The following GUCY2C variants were observed in gnomAD, a reference collection of about 807,000 sequenced individuals.
GUCY2C encodes the protein guanylate cyclase 2C, also known as guanylyl cyclase C.
A neutral mutation model predicts 131.1 loss-of-function variants in GUCY2C; 118 were observed. That is an observed-to-expected ratio of 0.90 (90% CI 0.78 to 1.05). GUCY2C has a LOEUF of 1.05. Ranked by LOEUF, GUCY2C falls within the 50% of genes least tolerant of loss-of-function variation. The pLI, the probability that GUCY2C is intolerant of heterozygous loss-of-function variation, is 0.00. For missense variants in GUCY2C, 1,161 were observed against 1,304.4 expected (o/e 0.89, Z 1.69); for synonymous variants, 452 against 457.8 (o/e 0.99, Z 0.16).
At position 14,614,947 on chromosome 12, in the gene GUCY2C, G is replaced by T; in HGVS notation, c.2971-4C>A. 1 of 1,559,392 alleles carries T rather than the reference G, an allele frequency of 6.4e-7. No individual in the cohort carries two copies. Among genetic ancestry groups the T allele is most frequent in the South Asian group, 1.2e-5 (1 of 84,208 alleles). Reference sequence around the variant, plus strand: ...AGGTAGTCTCATTTCCTCTTCCCTGGTAAGACAAAAGAGTTACGTACCACG... The same window carrying T: ...AGGTAGTCTCATTTCCTCTTCCCTGTTAAGACAAAAGAGTTACGTACCACG... On this transcript the variant is annotated splice_region_variant and splice_polypyrimidine_tract_variant and intron_variant, in intron 25 of 26. Transcript: ENST00000261170.
At position 14,641,081 on chromosome 12, in the gene GUCY2C, C is replaced by A; in HGVS notation, c.2068+1G>T. Reference sequence around the variant, plus strand: ...GGACACATGAATGGGTTTAGATGTACCATTCCGGTCCCGACAGCTCAAAGT... The same window carrying A: ...GGACACATGAATGGGTTTAGATGTAACATTCCGGTCCCGACAGCTCAAAGT... On this transcript the variant is annotated splice_donor_variant, in intron 18 of 26. Coordinates refer to ENST00000261170, the MANE Select transcript of GUCY2C (RefSeq NM_004963.4). LOFTEE classifies it high-confidence loss of function. 6.2e-7 allele frequency: 1 copy of A among 1,613,154 alleles called. No individual in the cohort carries two copies. The highest frequency in any genetic ancestry group is 8.5e-7 in the Non-Finnish European group (1 of 1,179,784).
intron 11 of GUCY2C, among the ~76,000 whole-genome samples, chr12:14,659,635 T>C (rs1947828082): frequency 6.6e-6 from 1 of 152,328 alleles, no homozygotes; most frequent in Middle Eastern, 3.4e-3. Context: ...TGGAGGCAAG[T>C]AGGATGAATA....
chr12:14,651,935 G>A, intron 14 of GUCY2C, 24 bp downstream of exon 14: 1 of 1,301,018 alleles, frequency 7.7e-7, no homozygotes, highest in Non-Finnish European at 1.1e-6. Context: ...TATTTCTCAA[G>A]GGTTTGAAGT....
In GUCY2C at chr12:14,637,259, A is replaced by G. The variant is rs574191300; in HGVS notation, c.2157+2603T>C. Among the ~76,000 whole-genome samples the G allele has an allele frequency of 2.0e-5, 3 of 151,524 alleles. No individual in the cohort carries two copies. In the South Asian group the frequency reaches 6.2e-4, roughly 32 times the overall value. ...AAGAAGGTAAAAGACCTCTATAAGG[A>G]AAACTACAAACACTGATGAAAATGA... On this transcript the variant is annotated intron_variant, in intron 19 of 26. Transcript: ENST00000261170.
Position 14,681,387 on chromosome 12 carries a change from A to G in GUCY2C, c.702T>C (p.Asp234=), listed in dbSNP as rs1335798577. 1.2e-6 allele frequency: 2 copies of G among 1,612,660 alleles called. No individual in the cohort carries two copies. The highest frequency in any genetic ancestry group is 1.7e-6 in the Non-Finnish European group (2 of 1,178,780). The change falls in exon 5 of 27, where the codon GAT becomes GAC. Residue 234 remains aspartate (D), a synonymous_variant. Coordinates refer to ENST00000261170, the MANE Select transcript of GUCY2C (RefSeq NM_004963.4). ...TTTTCCTGTTGTGGTCCATTAAGAT[A>G]TCCTGAAACTCCTTATCTTGTCTTA... ...VVLRQDKEFQ[D]ILMDHNRKSN... is the part of the protein sequence containing the mutation.
intron 26 of GUCY2C, among the ~76,000 whole-genome samples, chr12:14,614,101 C>T (rs1946706753): frequency 6.6e-6 from 1 of 152,116 alleles, no homozygotes; most frequent in African/African-American, 2.4e-5. Flanking sequence ...AGCCTCTTTG[C>T]CCCCAGTATG....
chr12:14,693,782 ATGACT>A (rs1278858692), intron 1 of GUCY2C, among the ~76,000 whole-genome samples: 1 of 152,254 alleles, frequency 6.6e-6, no homozygotes, highest in Non-Finnish European at 1.5e-5. Context: ...TATTTTACAA[ATGACT>A]TGAGTGAAAC....
intron 10 of GUCY2C, among the ~76,000 whole-genome samples, chr12:14,669,436 A>G (rs1390158937): frequency 6.6e-6 from 1 of 151,700 alleles, no homozygotes; most frequent in African/African-American, 2.4e-5. Context: ...GGCTGGTCTG[A>G]AACTTTTAGG....
At chr12:14,615,962 A>G (rs2136969346) in intron 25 of GUCY2C, among the ~76,000 whole-genome samples, 1 of 152,312 alleles carries the variant, frequency 6.6e-6, no homozygotes, top group Non-Finnish European at 1.5e-5. Context: ...AAGCATTTGG[A>G]GACAACTGAT....
chr12:14,680,554 A>G (rs1948328624), intron 5 of GUCY2C, among the ~76,000 whole-genome samples: 1 of 152,210 alleles, frequency 6.6e-6, no homozygotes, highest in Non-Finnish European at 1.5e-5. Context: ...CCAAGCAAGT[A>G]TCTTTCCTTG....
At chr12:14,647,797 C>T (rs958346112) in intron 15 of GUCY2C, among the ~76,000 whole-genome samples, 8 of 151,646 alleles carry the variant, frequency 5.3e-5, no homozygotes, top group East Asian at 1.9e-4. Flanking sequence ...ATTTTCTGAC[C>T]AATTTGGCTA....
rs185806098 is a variant in GUCY2C, at chr12:14,661,430, A to G, written c.1283-368T>C. Among the ~76,000 whole-genome samples the G allele has an allele frequency of 6.0e-4, 91 of 152,134 alleles. 2 individuals carry two copies. Among genetic ancestry groups the G allele is most frequent in the African/African-American group, 2.2e-3 (90 of 41,516 alleles). Reference sequence around the variant, plus strand: ...TATACCTAAGAAGGGTTCATAGAGGATGAGACATGTATTTTTTTTTCTTTT... The same window carrying G: ...TATACCTAAGAAGGGTTCATAGAGGGTGAGACATGTATTTTTTTTTCTTTT... On this transcript the variant is annotated intron_variant, in intron 10 of 26. Transcript: ENST00000261170.
chr12:14,644,232 C>G (rs968957250), intron 16 of GUCY2C, among the ~76,000 whole-genome samples: 16 of 152,078 alleles, frequency 1.1e-4, no homozygotes, highest in African/African-American at 3.9e-4. Context: ...GCCTGTAATC[C>G]CAGCACTTTG....
At chr12:14,687,636 A>C (rs1426646806) in intron 2 of GUCY2C, among the ~76,000 whole-genome samples, 2 of 152,132 alleles carry the variant, frequency 1.3e-5, no homozygotes, top group African/African-American at 4.8e-5. Context: ...CAAACAAACA[A>C]ACACCCAAGA....
At chr12:14,660,900 A>C in intron 11 of GUCY2C, 81 bp downstream of exon 11, 1 of 864,076 alleles carries the variant, frequency 1.2e-6, no homozygotes. Context: ...ATTCATCATC[A>C]TCAACAGACA....
chr12:14,677,045 T>G (rs746272860), intron 6 of GUCY2C, 74 bp from the exon 7 acceptor site: 1 of 477,976 alleles, frequency 2.1e-6, no homozygotes, highest in Non-Finnish European at 3.9e-6. Flanking sequence ...TCACACAAAC[T>G]ATACCATCAT....
chr12:14,618,580 T>C (rs1158266726), intron 24 of GUCY2C, among the ~76,000 whole-genome samples: 1 of 152,156 alleles, frequency 6.6e-6, no homozygotes, highest in South Asian at 2.1e-4. Context: ...GTGGAAGGAC[T>C]CCTTGAGGTC....
chr12:14,639,782 A>T, intron 19 of GUCY2C, 80 bp downstream of exon 19: 5 of 918,340 alleles, frequency 5.4e-6, no homozygotes, highest in Non-Finnish European at 7.2e-6. Flanking sequence ...TAAGTGAATA[A>T]ATTTTTGTTG....
At chr12:14,667,951 T>G (rs1406334573) in intron 10 of GUCY2C, among the ~76,000 whole-genome samples, 3 of 151,810 alleles carry the variant, frequency 2.0e-5, no homozygotes, top group African/African-American at 4.8e-5. Flanking sequence ...TAAATAATTA[T>G]TTTTAATTGG....
Sources: allele counts gnomAD v4.1 joint callset (sites outside exome capture counted in the v4.1 genomes callset), GRCh38; gene constraint gnomAD v4.1.1; transcripts MANE v1.5; gene names NCBI Gene and HGNC (gene_info 2026-07-23, HGNC 2026-07-21).